Variants in NNT observed in about 807,000 individuals in gnomAD.
NNT encodes the protein nicotinamide nucleotide transhydrogenase, also known as NAD(P) transhydrogenase, mitochondrial.
A neutral mutation model predicts 104.8 loss-of-function variants in NNT; 50 were observed. The ratio of observed to expected loss-of-function variants is 0.48; its 90% CI spans 0.38 to 0.60. The LOEUF (loss-of-function observed/expected upper bound fraction) is 0.60. Among genes scored for constraint, NNT ranks in the 20% least tolerant of loss-of-function variants. The pLI, the probability that NNT is intolerant of heterozygous loss-of-function variation, is 0.00. For synonymous variants in NNT, 461 were observed against 490.4 expected (o/e 0.94, Z 0.79); for missense variants, 1,131 against 1,330.7 (o/e 0.85, Z 2.33).
At chr5:43,605,238 C>T (rs1162606504) in intron 1 of NNT, among the ~76,000 whole-genome samples, 6 of 152,054 alleles carry the variant, frequency 3.9e-5, no homozygotes, top group African/African-American at 7.2e-5. Flanking sequence ...GCTTTTGGGC[C>T]GGGCGCGGTG....
At position 43,616,074 on chromosome 5, in the gene NNT, T is replaced by C. The variant is rs775965280; in HGVS notation, c.599+9T>C. The C allele has an allele frequency of 6.2e-7, 1 of 1,608,210 alleles. No homozygotes were observed. The highest frequency in any genetic ancestry group is 8.5e-7 in the Non-Finnish European group (1 of 1,176,870). ...ATGGCCAACATTGCGGGGTAGGTTC[T>C]TTTCCATTTCAATTGAACAAAAGCG... is the stretch of plus-strand genomic sequence containing the variant. On this transcript the variant is annotated intron_variant, in intron 4 of 21. Coordinates refer to ENST00000344920, the MANE Select transcript of NNT (RefSeq NM_182977.3).
chr5:43,628,193 A>G lies in NNT; in HGVS notation c.777-7A>G. ...AACTACTCTTTCCACTTTAACAATCACCCTAGAGCTGCAGCTTTGGAACAG... is the reference window on the plus strand; with the variant it reads ...AACTACTCTTTCCACTTTAACAATCGCCCTAGAGCTGCAGCTTTGGAACAG... On this transcript the variant is annotated splice_polypyrimidine_tract_variant and splice_region_variant and intron_variant, in intron 6 of 21. Transcript: ENST00000344920. 4 of 1,522,052 alleles carry G rather than the reference A, an allele frequency of 2.6e-6. No individual in the cohort carries two copies. Among genetic ancestry groups the G allele is most frequent in the Middle Eastern group, 3.5e-4 (2 of 5,686 alleles). 94.3% of individuals were successfully genotyped at this position (1,522,052 alleles called of 1,614,324 possible).
chr5:43,654,415 C>G (rs1739931327), intron 14 of NNT, among the ~76,000 whole-genome samples: 2 of 152,196 alleles, frequency 1.3e-5, no homozygotes, highest in African/African-American at 4.8e-5. Flanking sequence ...AATAATTGAG[C>G]AAATAATCTT....
chr5:43,651,756 C>G lies in NNT; in HGVS notation c.1735C>G (p.Gln579Glu). ...TTGCTAAGGTGGCTTTCTGGTGACT[C>G]AGAGAATGCTGGACATGTTCAAGCG... is the stretch of plus-strand genomic sequence containing the variant. ...VNIAGGFLVTQRMLDMFKRPT... is the reference protein window; with the variant it reads ...VNIAGGFLVTERMLDMFKRPT... Residue 579 changes from glutamine (Q) to glutamate (E), a missense_variant, in exon 13 of 22, where the codon CAG (glutamine) becomes GAG (glutamate). Gln to Glu is a conservative substitution (Grantham distance 29). Coordinates refer to ENST00000344920, the MANE Select transcript of NNT (RefSeq NM_182977.3). 6.2e-7 allele frequency: 1 copy of G among 1,614,016 alleles called. No individual in the cohort carries two copies. Among genetic ancestry groups the G allele is most frequent in the East Asian group, 2.2e-5 (1 of 44,870 alleles).
intron 6 of NNT, 130 bp from the exon 7 acceptor site, chr5:43,628,070 G>C: frequency 1.6e-6 from 1 of 636,974 alleles, no homozygotes; most frequent in Non-Finnish European, 2.5e-6. Context: ...AATTAAGTAC[G>C]AAATCAAAGG....
intron 19 of NNT, among the ~76,000 whole-genome samples, chr5:43,692,161 C>T (rs913975197): frequency 6.6e-5 from 10 of 151,964 alleles, no homozygotes; most frequent in East Asian, 1.9e-4. Context: ...TTTTCATTGA[C>T]GTAGTTATCA....
At chr5:43,617,149 A>C (rs1222055101) in intron 4 of NNT, among the ~76,000 whole-genome samples, 2 of 152,340 alleles carry the variant, frequency 1.3e-5, no homozygotes, top group Middle Eastern at 3.4e-3. Context: ...GTGACTTAAA[A>C]TTTTATCTAG....
At chr5:43,653,814 G>C (rs993533103) in intron 14 of NNT, among the ~76,000 whole-genome samples, 2 of 152,124 alleles carry the variant, frequency 1.3e-5, no homozygotes, top group Admixed American at 1.3e-4. Context: ...AATTAGTTGG[G>C]CATGGTGGCG....
At chr5:43,687,233 A>G (rs1162225309) in intron 19 of NNT, among the ~76,000 whole-genome samples, 1 of 152,188 alleles carries the variant, frequency 6.6e-6, no homozygotes, top group East Asian at 1.9e-4. Context: ...AGATCTTTCT[A>G]TGACCTCATT....
At chr5:43,620,859 G>T (rs935915569) in intron 5 of NNT, among the ~76,000 whole-genome samples, 8 of 152,108 alleles carry the variant, frequency 5.3e-5, no homozygotes. Context: ...TACTAATTTT[G>T]GTTATAATCT....
At chr5:43,667,375 A>G in intron 17 of NNT, 1 of 448,326 alleles carries the variant, frequency 2.2e-6, no homozygotes, top group Non-Finnish European at 4.0e-6. Context: ...GCACCCATTA[A>G]CTATTTACAT....
rs748661517 is a variant in NNT at position 43,659,316 on chromosome 5, C to T, written c.2600C>T (p.Ser867Leu). 5.6e-6 allele frequency: 9 copies of T among 1,613,446 alleles called. No homozygotes were observed. The highest frequency in any genetic ancestry group is 7.6e-6 in the Non-Finnish European group (9 of 1,179,854). The change falls in exon 17 of 22, where the codon TCG (serine) becomes TTG (leucine). Residue 867 changes from serine (S) to leucine (L), a missense_variant. Transcript: ENST00000344920. The part of the protein sequence containing the change: ...LLTIVGALIG[S>L]SGAILSYIMC... ...ACCATCGTGGGTGCACTCATAGGCT[C>T]GTCTGGTGCTATCCTGTCATACATC...
intron 7 of NNT, among the ~76,000 whole-genome samples, chr5:43,636,167 A>T (rs148211334): frequency 6.6e-5 from 10 of 152,196 alleles, no homozygotes; most frequent in Non-Finnish European, 1.3e-4. Flanking sequence ...AGTTGTTTTG[A>T]GGAATGAAGA....
intron 4 of NNT, among the ~76,000 whole-genome samples, chr5:43,616,310 C>T (rs1038863657): frequency 1.3e-5 from 2 of 151,876 alleles, no homozygotes; most frequent in Admixed American, 1.3e-4. Flanking sequence ...TTCCATTCAC[C>T]AAAGCAAATA....
At chr5:43,637,258 C>T (rs992708330) in intron 7 of NNT, among the ~76,000 whole-genome samples, 1 of 152,112 alleles carries the variant, frequency 6.6e-6, no homozygotes, top group Non-Finnish European at 1.5e-5. Context: ...GATAATGGAT[C>T]AGTGGATTAG....
chr5:43,704,540 C>A lies in NNT; in HGVS notation c.*136C>A. On this transcript the variant is annotated 3_prime_UTR_variant, in exon 22 of 22. Transcript: ENST00000344920. ...AAAATGAAGACTGAAGAAAGCAAAGCAAAAACTGTATAGAGAGATTTTTCA... is the reference window on the plus strand; with the variant it reads ...AAAATGAAGACTGAAGAAAGCAAAGAAAAAACTGTATAGAGAGATTTTTCA... 2.4e-6 allele frequency: 2 copies of A among 821,116 alleles called. No individual in the cohort carries two copies. The highest frequency in any genetic ancestry group is 3.6e-6 in the Non-Finnish European group (2 of 553,772). 50.9% of individuals were successfully genotyped at this position (821,116 alleles called of 1,614,324 possible). A position where few individuals can be genotyped will look rare whatever the true frequency, so the allele number is the denominator to read the frequency against.
At chr5:43,661,073 T>C (rs1178348626) in intron 17 of NNT, among the ~76,000 whole-genome samples, 1 of 152,200 alleles carries the variant, frequency 6.6e-6, no homozygotes, top group Non-Finnish European at 1.5e-5. Context: ...TTAGGCTATA[T>C]TGCAAAACAA....
intron 10 of NNT, 130 bp downstream of exon 10, chr5:43,645,640 C>CAACT (rs1561286224): frequency 5.9e-5 from 10 of 168,136 alleles, no homozygotes; most frequent in East Asian, 5.6e-4. Flanking sequence ...TATATCTACA[C>CAACT]ATCTATCTAT....
chr5:43,648,204 A>G lies in NNT; in HGVS notation c.1445-943A>G, dbSNP rs552286253. 11 of 1,069,638 alleles carry G rather than the reference A, an allele frequency of 1.0e-5. No homozygotes were observed. The South Asian group carries it at 1.8e-4, about 17-fold the overall frequency. The allele number at this position is 1,069,638 out of a possible 1,614,324, so 66.3% of individuals were successfully genotyped here. A position where few individuals can be genotyped will look rare whatever the true frequency, so the allele number is the denominator to read the frequency against. On this transcript the variant is annotated intron_variant, in intron 10 of 21. Coordinates refer to ENST00000344920, the MANE Select transcript of NNT (RefSeq NM_182977.3). Reference sequence around the variant, plus strand: ...GTGGGTAGGAAAATAAATTAAAACTACAGTCATATTGAATGATTTAATGTA... The same window carrying G: ...GTGGGTAGGAAAATAAATTAAAACTGCAGTCATATTGAATGATTTAATGTA...
Sources: gnomAD v4.1 joint callset for allele counts (sites outside exome capture counted in the v4.1 genomes callset) on GRCh38, gnomAD v4.1.1 for gene constraint, MANE v1.5 for transcripts, NCBI Gene and HGNC (gene_info 2026-07-23, HGNC 2026-07-21) for gene names.